RARB: variants seen among roughly 807,000 people sequenced by gnomAD.
The protein encoded by RARB is HBV-activated protein.
In RARB, 17 loss-of-function variants were observed where a neutral mutation model predicts 51.9. That is an observed-to-expected ratio of 0.33 (90% CI 0.22 to 0.49). The LOEUF is 0.49. Among genes scored for constraint, RARB ranks in the 20% least tolerant of loss-of-function variants. RARB has a pLI of 0.99. For synonymous variants in RARB, 215 were observed against 195.4 expected (o/e 1.10, Z -0.84); for missense variants, 369 against 550.8 (o/e 0.67, Z 3.30).
chr3:25,379,845 C>T (rs528325289), intron 5 of RARB, among the ~76,000 whole-genome samples: 1 of 152,190 alleles, frequency 6.6e-6, no homozygotes, highest in Admixed American at 6.5e-5. Context: ...TTAATGGTGC[C>T]TCTTTTTCAT....
intron 3 of RARB, among the ~76,000 whole-genome samples, chr3:25,126,671 G>A (rs1699865498): frequency 1.3e-5 from 2 of 152,136 alleles, no homozygotes; most frequent in Non-Finnish European, 2.9e-5. Flanking sequence ...AATGCTTTAA[G>A]TAGCAAAGCT....
At chr3:25,336,869 G>GT (rs2125448409) in intron 5 of RARB, among the ~76,000 whole-genome samples, 1 of 152,302 alleles carries the variant, frequency 6.6e-6, no homozygotes, top group African/African-American at 2.4e-5. Flanking sequence ...GAGACCCAGA[G>GT]TGTCCTGCTG....
intron 2 of RARB, among the ~76,000 whole-genome samples, chr3:25,489,073 A>C (rs1020496400): frequency 6.6e-6 from 1 of 152,250 alleles, no homozygotes; most frequent in African/African-American, 2.4e-5. Flanking sequence ...GAAAGTGCAC[A>C]GCTTAAGGTC....
At chr3:25,569,960 C>G in intron 4 of RARB, 42 bp downstream of exon 4, 2 of 1,566,484 alleles carry the variant, frequency 1.3e-6, no homozygotes, top group South Asian at 1.2e-5. Flanking sequence ...AGTGTGGAAA[C>G]CTTGTACGTG....
intron 2 of RARB, among the ~76,000 whole-genome samples, chr3:25,049,987 T>A (rs1698293786): frequency 6.6e-6 from 1 of 152,134 alleles, no homozygotes; most frequent in East Asian, 1.9e-4. Flanking sequence ...CCTAGGAAGA[T>A]GATACTATTA....
Position 24,939,250 on chromosome 3 carries a change from A to G in RARB, c.-380+80498A>G, listed in dbSNP as rs114164077. ...CTGAATGGGTGTTTAATTTGTTTCC[A>G]CATTTTGTGAACAATGCTTCCGTGA... On this transcript the variant is annotated intron_variant, in intron 2 of 11. Coordinates refer to the RARB transcript ENST00000383772. Among the ~76,000 whole-genome samples the G allele has an allele frequency of 4.4e-3, 675 of 152,220 alleles. 6 individuals carry two copies. The highest frequency in any genetic ancestry group is 0.015 in the African/African-American group (637 of 41,540).
intron 3 of RARB, among the ~76,000 whole-genome samples, chr3:25,553,714 C>T (rs191164147): frequency 2.0e-4 from 30 of 152,228 alleles, no homozygotes; most frequent in Admixed American, 1.8e-3. Context: ...ACTGGGTCTT[C>T]GCTGCAACCT....
intron 3 of RARB, among the ~76,000 whole-genome samples, chr3:25,115,020 A>T (rs1699663186): frequency 6.6e-6 from 1 of 152,196 alleles, no homozygotes. Flanking sequence ...TAATTACTTT[A>T]AAAAATCATT....
At chr3:24,879,486 T>TG (rs1168833203) in intron 2 of RARB, among the ~76,000 whole-genome samples, 13 of 144,942 alleles carry the variant, frequency 9.0e-5, no homozygotes, top group Admixed American at 4.1e-4. Flanking sequence ...GGATCTCCAT[T>TG]TTTTTTTTTT....
rs181614968 is a variant in RARB at position 25,486,442 on chromosome 3, A to C, written c.307-14740A>C. Among the ~76,000 whole-genome samples the C allele has an allele frequency of 2.8e-3, 428 of 152,292 alleles. 7 individuals are homozygous for C. The highest frequency in any genetic ancestry group is 0.021 in the Admixed American group (318 of 15,298). On this transcript the variant is annotated intron_variant, in intron 2 of 7. Transcript: ENST00000330688. ...AGGTAGAAGTCACTTAAGCCACCCTACAGCCCTGGCAGAGGATATTTGGCC... is the reference window on the plus strand; with the variant it reads ...AGGTAGAAGTCACTTAAGCCACCCTCCAGCCCTGGCAGAGGATATTTGGCC...
intron 3 of RARB, among the ~76,000 whole-genome samples, chr3:25,521,923 C>G (rs1439857908): frequency 6.6e-6 from 1 of 152,046 alleles, no homozygotes; most frequent in Non-Finnish European, 1.5e-5. Context: ...GCTCCAAATA[C>G]AGTAGAGAGA....
intron 3 of RARB, among the ~76,000 whole-genome samples, chr3:25,092,947 T>C (rs1176840135): frequency 6.6e-6 from 1 of 152,104 alleles, no homozygotes; most frequent in African/African-American, 2.4e-5. Context: ...ATTACAGAGG[T>C]ATAGTGAAAA....
intron 5 of RARB, among the ~76,000 whole-genome samples, chr3:25,233,831 G>A (rs777150492): frequency 2.7e-4 from 40 of 150,908 alleles, no homozygotes; most frequent in Non-Finnish European, 5.2e-4. Flanking sequence ...TATCTATTGA[G>A]AAGATCATAT....
intron 3 of RARB, among the ~76,000 whole-genome samples, chr3:25,106,437 A>C (rs546795163): frequency 7.2e-6 from 1 of 139,386 alleles, no homozygotes; most frequent in African/African-American, 2.8e-5. Context: ...CACCATGCCC[A>C]GCTACTGTTT....
chr3:25,117,574 AG>A (rs747201583), intron 3 of RARB, among the ~76,000 whole-genome samples: 6 of 152,258 alleles, frequency 3.9e-5, no homozygotes, highest in Non-Finnish European at 7.4e-5. Context: ...TAGGATGGAT[AG>A]GGGATGGATT....
chr3:25,221,630 T>A (rs1701950251), intron 5 of RARB, among the ~76,000 whole-genome samples: 2 of 115,450 alleles, frequency 1.7e-5, no homozygotes, highest in African/African-American at 6.6e-5. Flanking sequence ...ATACAACTTG[T>A]ATAATATACC....
At chr3:25,211,656 T>A (rs969833260) in intron 5 of RARB, among the ~76,000 whole-genome samples, 1 of 152,126 alleles carries the variant, frequency 6.6e-6, no homozygotes, top group South Asian at 2.1e-4. Flanking sequence ...ATTGACAAAC[T>A]TTTTTTTATT....
intron 2 of RARB, among the ~76,000 whole-genome samples, chr3:24,921,307 C>T (rs1280057681): frequency 6.6e-6 from 1 of 152,068 alleles, no homozygotes; most frequent in African/African-American, 2.4e-5. Context: ...ATTGCTTTTA[C>T]CCCAGTGTAA....
intron 5 of RARB, 38 bp downstream of exon 5, chr3:25,580,760 G>A (rs762966355): frequency 1.3e-6 from 2 of 1,540,506 alleles, no homozygotes; most frequent in Non-Finnish European, 1.8e-6. Flanking sequence ...GTCTGGGGAG[G>A]GAGAGAGGGC....
Sources: allele counts gnomAD v4.1 joint callset (sites outside exome capture counted in the v4.1 genomes callset), GRCh38; gene constraint gnomAD v4.1.1; transcripts MANE v1.5; gene names NCBI Gene and HGNC (gene_info 2026-07-23, HGNC 2026-07-21).